SPIDR: variants seen among roughly 807,000 people sequenced by gnomAD.
SPIDR encodes scaffold protein involved in DNA repair.
A neutral mutation model predicts 104.6 loss-of-function variants in SPIDR; 93 were observed. The ratio of observed to expected loss-of-function variants is 0.89; its 90% CI spans 0.75 to 1.06. The LOEUF is 1.06. Among genes scored for constraint, SPIDR ranks in the 50% least tolerant of loss-of-function variants. The pLI, the probability that SPIDR is intolerant of heterozygous loss-of-function variation, is 0.00. For missense variants in SPIDR, 1,154 were observed against 1,111.2 expected, an observed-to-expected ratio of 1.04 and a Z score of -0.55; for synonymous variants, 431 against 416.9, an observed-to-expected ratio of 1.03 and a Z score of -0.41.
chr8:47,345,678 A>C lies in SPIDR; in HGVS notation c.526-50698A>C, dbSNP rs531370707. Among the ~76,000 whole-genome samples, 424 of 152,228 alleles carry C rather than the reference A, an allele frequency of 2.8e-3. 1 individual carries two copies. The highest frequency in any genetic ancestry group is 9.9e-3 in the African/African-American group (411 of 41,536). ...TAGTTCTCCTTGAAGAGGTCCTTCA[A>C]ATCCCTTGTAAGTTGGATTGCTAGG... On this transcript the variant is annotated intron_variant, in intron 5 of 19. Coordinates refer to ENST00000297423, the MANE Select transcript of SPIDR (RefSeq NM_001080394.4).
rs1423190545 is a variant in SPIDR at position 47,659,715 on chromosome 8, G to T, written c.1545-14086G>T. ...GGTTCCAGCCCTCTTCTGTCCCCATGCTCCCTTTTTTTCTCTCTCTCTTCT... is the reference window on the plus strand; with the variant it reads ...GGTTCCAGCCCTCTTCTGTCCCCATTCTCCCTTTTTTTCTCTCTCTCTTCT... On this transcript the variant is annotated intron_variant, in intron 10 of 19. Transcript: ENST00000297423. The T allele has an allele frequency of 5.1e-6, 5 of 984,492 alleles. No homozygotes were observed. The East Asian group carries it at 3.4e-4, about 67-fold the overall frequency. 61.0% of individuals were successfully genotyped at this position (984,492 alleles called of 1,614,324 possible).
intron 10 of SPIDR, among the ~76,000 whole-genome samples, chr8:47,609,732 G>A (rs752596082): frequency 4.6e-5 from 7 of 152,048 alleles, no homozygotes; most frequent in Admixed American, 6.6e-5. Context: ...ATATGTACAC[G>A]CTCTTTAAAC....
intron 8 of SPIDR, among the ~76,000 whole-genome samples, chr8:47,518,794 G>C (rs1029213982): frequency 1.7e-4 from 26 of 151,922 alleles, no homozygotes; most frequent in African/African-American, 6.3e-4. Context: ...CTGCCACCAC[G>C]CCTGGCTAGT....
chr8:47,574,765 G>A (rs2154407457), intron 8 of SPIDR, among the ~76,000 whole-genome samples: 1 of 151,898 alleles, frequency 6.6e-6, no homozygotes, highest in South Asian at 2.1e-4. Context: ...GGAGAGGGGA[G>A]GGGAGGGGAG....
intron 7 of SPIDR, among the ~76,000 whole-genome samples, chr8:47,423,184 G>T (rs1202873645): frequency 2.6e-5 from 4 of 151,812 alleles, no homozygotes; most frequent in African/African-American, 9.7e-5. Context: ...TGTAATCCCA[G>T]CTACTCGGGA....
At chr8:47,553,970 A>G (rs944521713) in intron 8 of SPIDR, among the ~76,000 whole-genome samples, 4 of 152,130 alleles carry the variant, frequency 2.6e-5, no homozygotes, top group Non-Finnish European at 4.4e-5. Context: ...CCTTCCAACA[A>G]TCAGGACCCT....
chr8:47,642,177 A>T (rs2069164636), intron 10 of SPIDR, among the ~76,000 whole-genome samples: 1 of 152,182 alleles, frequency 6.6e-6, no homozygotes, highest in Admixed American at 6.5e-5. Flanking sequence ...TAATCCCAGC[A>T]CTTTGGGAGG....
At chr8:47,583,619 A>G (rs2059971146) in intron 8 of SPIDR, among the ~76,000 whole-genome samples, 1 of 152,258 alleles carries the variant, frequency 6.6e-6, no homozygotes, top group African/African-American at 2.4e-5. Context: ...CTATCTAGAT[A>G]GATAGCACTG....
chr8:47,725,287 A>G (rs1388056981), intron 16 of SPIDR, among the ~76,000 whole-genome samples: 1 of 152,218 alleles, frequency 6.6e-6, no homozygotes, highest in Non-Finnish European at 1.5e-5. Flanking sequence ...CAAGCAAACT[A>G]AAGACTTAAT....
chr8:47,567,516 G>T (rs1306049967), intron 8 of SPIDR, among the ~76,000 whole-genome samples: 3 of 152,058 alleles, frequency 2.0e-5, no homozygotes, highest in African/African-American at 7.2e-5. Flanking sequence ...ACCCCGCCCG[G>T]CCTGAGGATA....
intron 8 of SPIDR, among the ~76,000 whole-genome samples, chr8:47,539,747 TAAAA>T (rs527539176): frequency 7.2e-6 from 1 of 139,510 alleles, no homozygotes; most frequent in South Asian, 2.3e-4. Context: ...CTTTTCTTCT[TAAAA>T]AAAAAAAAAA....
rs977361456 is a variant in SPIDR at position 47,416,001 on chromosome 8, T to C, written c.877+8040T>C. Among the ~76,000 whole-genome samples, 4 of 152,212 alleles carry C rather than the reference T, an allele frequency of 2.6e-5. No homozygotes were observed. The South Asian group carries it at 8.3e-4, about 32-fold the overall frequency. The stretch of plus-strand genomic sequence containing the variant: ...ATGCTCACACCTGTAATTCCAGCAC[T>C]TTGGGAGACCAAGGCCGGCAGATCA... On this transcript the variant is annotated intron_variant, in intron 7 of 19. Transcript: ENST00000297423.
chr8:47,735,463 G>C lies in SPIDR; in HGVS notation c.*13G>C, dbSNP rs377034261. On this transcript the variant is annotated 3_prime_UTR_variant, in exon 20 of 20. Coordinates refer to ENST00000297423, the MANE Select transcript of SPIDR (RefSeq NM_001080394.4). The stretch of plus-strand genomic sequence containing the variant: ...TGCAGAACACTAGCGGTTGCCGCAG[G>C]ATCTGTGAACTTTGCAATGTGGCTG... The C allele has an allele frequency of 1.2e-6, 2 of 1,613,944 alleles. No homozygotes were observed. The highest frequency in any genetic ancestry group is 1.7e-5 in the Admixed American group (1 of 59,998).
intron 8 of SPIDR, among the ~76,000 whole-genome samples, chr8:47,490,079 G>A (rs2078415252): frequency 1.3e-5 from 2 of 152,166 alleles, no homozygotes; most frequent in South Asian, 2.1e-4. Flanking sequence ...TACAGAATGG[G>A]AGAACATTTT....
Position 47,427,803 on chromosome 8 carries a change from A to C in SPIDR, c.878-12520A>C, listed in dbSNP as rs528311806. ...AAATCTGGTCCCCCACCTATTTCTTACTGCTTCCAGGAACTCCTCTGAGGC... is the reference window on the plus strand; with the variant it reads ...AAATCTGGTCCCCCACCTATTTCTTCCTGCTTCCAGGAACTCCTCTGAGGC... On this transcript the variant is annotated intron_variant, in intron 7 of 19. Coordinates refer to ENST00000297423, the MANE Select transcript of SPIDR (RefSeq NM_001080394.4). Among the ~76,000 whole-genome samples, 5 of 152,276 alleles carry C rather than the reference A, an allele frequency of 3.3e-5. No homozygotes were observed. The East Asian group carries it at 5.8e-4, about 18-fold the overall frequency.
At chr8:47,624,873 C>T (rs2065795005) in intron 10 of SPIDR, among the ~76,000 whole-genome samples, 1 of 152,128 alleles carries the variant, frequency 6.6e-6, no homozygotes, top group South Asian at 2.1e-4. Context: ...GGGAATCCTC[C>T]CTAACTCATT....
rs561275706 is a variant in SPIDR, at chr8:47,511,494, C to T, written c.1097+70952C>T. The T allele has an allele frequency of 4.8e-4, 372 of 778,652 alleles. 6 individuals carry two copies. The South Asian group carries it at 4.9e-3, about 10-fold the overall frequency. 48.2% of individuals were successfully genotyped at this position (778,652 alleles called of 1,614,324 possible). ...CTAGCCTCCACAGCTCTGCTGGCAC[C>T]TCCCTTCTGTGGATAGACTCCAGAA... On this transcript the variant is annotated intron_variant, in intron 8 of 19. Transcript: ENST00000297423.
chr8:47,601,390 T>G (rs2062260467), intron 10 of SPIDR, among the ~76,000 whole-genome samples: 1 of 152,066 alleles, frequency 6.6e-6, no homozygotes, highest in Non-Finnish European at 1.5e-5. Context: ...TTGTAGAGTG[T>G]TAGAGTTTAA....
intron 8 of SPIDR, among the ~76,000 whole-genome samples, chr8:47,496,690 A>G (rs946774791): frequency 5.7e-5 from 8 of 140,672 alleles, no homozygotes; most frequent in African/African-American, 2.1e-4. Flanking sequence ...GAGTAATACT[A>G]TTGACCTCAT....
Sources: gnomAD v4.1 joint callset for allele counts (sites outside exome capture counted in the v4.1 genomes callset) on GRCh38, gnomAD v4.1.1 for gene constraint, MANE v1.5 for transcripts, NCBI Gene and HGNC (gene_info 2026-07-23, HGNC 2026-07-21) for gene names.